Variants in SLC9A7 observed in about 807,000 individuals in gnomAD.
The protein encoded by SLC9A7 is solute carrier family 9 member A7.
SLC9A7 carries 19 observed loss-of-function variants against 52.6 expected under a neutral mutation model. That is an observed-to-expected ratio of 0.36 (90% CI 0.25 to 0.53). The LOEUF (loss-of-function observed/expected upper bound fraction) is 0.53, where lower values mean the gene tolerates loss of function less well. SLC9A7 is among the 20% of genes least tolerant of loss of function. The pLI, the probability that SLC9A7 is intolerant of heterozygous loss-of-function variation, is 0.91. For synonymous variants in SLC9A7, 226 were observed against 252.1 expected, an observed-to-expected ratio of 0.90 and a Z score of 0.98; for missense variants, 455 against 597.9, an observed-to-expected ratio of 0.76 and a Z score of 2.49.
At chrX:46,753,451 C>T (rs1348218298) in intron 1 of SLC9A7, among the ~76,000 whole-genome samples, 2 of 111,790 alleles carry the variant, frequency 1.8e-5, no homozygotes, top group African/African-American at 3.3e-5. Context: ...CTGTGCCTTG[C>T]TTTTTTTCCA....
At chrX:46,707,210 T>C (rs1944617655) in intron 1 of SLC9A7, among the ~76,000 whole-genome samples, 1 of 112,505 alleles carries the variant, frequency 8.9e-6, no homozygotes, top group African/African-American at 3.2e-5. Flanking sequence ...AGCCCAACTC[T>C]TCAGCAAAGT....
intron 3 of SLC9A7, among the ~76,000 whole-genome samples, chrX:46,677,023 G>A (rs1166437237): frequency 5.4e-5 from 6 of 111,821 alleles, no homozygotes; most frequent in Non-Finnish European, 1.1e-4. Context: ...AATGCACTGG[G>A]CTGGCGTGCA....
intron 14 of SLC9A7, among the ~76,000 whole-genome samples, chrX:46,626,421 C>T (rs1167078164): frequency 8.9e-6 from 1 of 111,919 alleles, no homozygotes; most frequent in Non-Finnish European, 1.9e-5. Context: ...ATTACAGGTG[C>T]CTGCCACCAT....
rs148292104 is a variant in SLC9A7, at chrX:46,751,902, T to C, written c.325+6803A>G. 1.6e-3 allele frequency among the ~76,000 whole-genome samples: 183 copies of C among 112,173 alleles called. 3 individuals are homozygous for C. The East Asian group carries it at 0.042, about 26-fold the overall frequency. Reference sequence around the variant, plus strand: ...AATGTCAAACAGTGTTAATCAGTGCTAGAAAGAGTTTAATGAGAGTAACAG... The same window carrying C: ...AATGTCAAACAGTGTTAATCAGTGCCAGAAAGAGTTTAATGAGAGTAACAG... On this transcript the variant is annotated intron_variant, in intron 1 of 16. Coordinates refer to ENST00000616978, the MANE Select transcript of SLC9A7 (RefSeq NM_001257291.2).
At chrX:46,664,470 T>C (rs193259371) in intron 5 of SLC9A7, among the ~76,000 whole-genome samples, 35 of 111,993 alleles carry the variant, frequency 3.1e-4, no homozygotes, top group Admixed American at 1.0e-3. Context: ...GCATTACTAA[T>C]TGATACAATT....
At chrX:46,738,914 T>G (rs1311185453) in intron 1 of SLC9A7, among the ~76,000 whole-genome samples, 2 of 111,605 alleles carry the variant, frequency 1.8e-5, no homozygotes, top group Non-Finnish European at 3.8e-5. Flanking sequence ...TGTGGCTCTC[T>G]GAAAAAAGGC....
intron 1 of SLC9A7, among the ~76,000 whole-genome samples, chrX:46,757,041 C>G (rs1439732472): frequency 8.9e-6 from 1 of 112,269 alleles, no homozygotes; most frequent in Non-Finnish European, 1.9e-5. Flanking sequence ...AAATCTACCT[C>G]CTATTTCACA....
intron 1 of SLC9A7, among the ~76,000 whole-genome samples, chrX:46,742,126 G>A (rs182805769): frequency 3.6e-5 from 4 of 111,320 alleles, no homozygotes; most frequent in Admixed American, 1.9e-4. Context: ...TAACAATACC[G>A]AGTTCTAAAG....
chrX:46,665,854 A>AT lies in SLC9A7; in HGVS notation c.794-3212dup, dbSNP rs548813046. On this transcript the variant is annotated intron_variant, in intron 5 of 16. Coordinates refer to ENST00000616978, the MANE Select transcript of SLC9A7 (RefSeq NM_001257291.2). ...GGAAGGCACCATGGGGTGCAAATGCATTTTTTTTTCTTTAATTGTGGATCC... is the reference window on the plus strand; with the variant it reads ...GGAAGGCACCATGGGGTGCAAATGCATTTTTTTTTTCTTTAATTGTGGATCC... Among the ~76,000 whole-genome samples, 189 of 107,093 alleles carry AT rather than the reference A, an allele frequency of 1.8e-3. 3 individuals carry two copies. In the South Asian group the frequency reaches 0.039, roughly 22 times the overall value. The allele number at this position is 107,093 out of a possible 115,157, so 93.0% of individuals were successfully genotyped here.
chrX:46,630,439 T>C (rs1943203470), intron 14 of SLC9A7, among the ~76,000 whole-genome samples: 1 of 112,337 alleles, frequency 8.9e-6, no homozygotes, highest in Non-Finnish European at 1.9e-5. Context: ...CATTCCCTCA[T>C]CCACCCAACA....
intron 14 of SLC9A7, among the ~76,000 whole-genome samples, chrX:46,622,159 C>T (rs1943056801): frequency 8.9e-6 from 1 of 111,757 alleles, no homozygotes; most frequent in African/African-American, 3.3e-5. Context: ...CTCGGTATTT[C>T]AGGAATGTTT....
intron 5 of SLC9A7, among the ~76,000 whole-genome samples, chrX:46,668,528 A>C (rs768981664): frequency 2.9e-4 from 32 of 112,047 alleles, no homozygotes; most frequent in South Asian, 3.7e-4. Flanking sequence ...CAAAACAAAA[A>C]AAAAACATGC....
chrX:46,624,560 A>G (rs1174282943), intron 14 of SLC9A7, among the ~76,000 whole-genome samples: 1 of 112,454 alleles, frequency 8.9e-6, no homozygotes, highest in Non-Finnish European at 1.9e-5. Context: ...CACTCAACAA[A>G]TATTGACTCA....
At chrX:46,671,099 CTAAT>C (rs1412295410) in intron 4 of SLC9A7, among the ~76,000 whole-genome samples, 2 of 111,956 alleles carry the variant, frequency 1.8e-5, no homozygotes, top group Non-Finnish European at 3.8e-5. Context: ...AGGTTTCTAG[CTAAT>C]TGTTAAAAAA....
At chrX:46,667,077 G>A (rs1943933594) in intron 5 of SLC9A7, among the ~76,000 whole-genome samples, 1 of 112,154 alleles carries the variant, frequency 8.9e-6, no homozygotes, top group African/African-American at 3.2e-5. Context: ...TGAGTCAGAT[G>A]TGGACACAGA....
intron 12 of SLC9A7, among the ~76,000 whole-genome samples, chrX:46,642,966 C>T (rs1943429849): frequency 8.9e-6 from 1 of 111,962 alleles, no homozygotes; most frequent in African/African-American, 3.2e-5. Flanking sequence ...GCTCTAATGT[C>T]ACTGTTCTAG....
intron 12 of SLC9A7, among the ~76,000 whole-genome samples, chrX:46,636,781 A>G (rs758068187): frequency 8.9e-6 from 1 of 112,019 alleles, no homozygotes; most frequent in South Asian, 3.7e-4. Context: ...AAGGCTCCTC[A>G]GCAGCGGCAA....
At chrX:46,699,997 C>T (rs928988181) in intron 1 of SLC9A7, among the ~76,000 whole-genome samples, 1 of 108,872 alleles carries the variant, frequency 9.2e-6, no homozygotes, top group African/African-American at 3.4e-5. Context: ...TGTGGCTACT[C>T]GGGAGGCTGA....
At chrX:46,663,969 A>G (rs1943875771) in intron 5 of SLC9A7, among the ~76,000 whole-genome samples, 1 of 111,980 alleles carries the variant, frequency 8.9e-6, no homozygotes, top group South Asian at 3.7e-4. Context: ...CAAAAAAAAG[A>G]TTAATTAGAT....
Sources: gnomAD v4.1 joint callset for allele counts (sites outside exome capture counted in the v4.1 genomes callset) on GRCh38, gnomAD v4.1.1 for gene constraint, MANE v1.5 for transcripts, NCBI Gene and HGNC (gene_info 2026-07-23, HGNC 2026-07-21) for gene names.